DLGAP2: variants seen among roughly 807,000 people sequenced by gnomAD.
The protein encoded by DLGAP2 is disks large-associated protein 2.
DLGAP2 carries 26 observed loss-of-function variants against 100.3 expected under a neutral mutation model. That is an observed-to-expected ratio of 0.26 (90% CI 0.19 to 0.36). DLGAP2 has a LOEUF of 0.36. Among genes scored for constraint, DLGAP2 ranks in the 10% least tolerant of loss-of-function variants. DLGAP2 has a pLI of 1.00. For synonymous variants in DLGAP2, 886 were observed against 630.1 expected (o/e 1.41, Z -6.08); for missense variants, 1,858 against 1,453.2 (o/e 1.28, Z -4.53).
intron 3 of DLGAP2, among the ~76,000 whole-genome samples, chr8:1,487,329 A>G (rs897345374): frequency 1.3e-5 from 2 of 152,244 alleles, no homozygotes; most frequent in African/African-American, 4.8e-5. Flanking sequence ...ATGGCTAAGT[A>G]GTACTGAAAG....
At chr8:1,650,581 G>A (rs1036206014) in intron 8 of DLGAP2, among the ~76,000 whole-genome samples, 5 of 152,182 alleles carry the variant, frequency 3.3e-5, no homozygotes, top group South Asian at 2.1e-4. Context: ...TGTCCTCTTC[G>A]GCTATTCCAG....
intron 4 of DLGAP2, among the ~76,000 whole-genome samples, chr8:1,544,604 A>G (rs866055103): frequency 3.3e-5 from 5 of 152,266 alleles, no homozygotes; most frequent in Middle Eastern, 3.4e-3. Flanking sequence ...TTGTTCTATT[A>G]AAGTGATTTA....
At position 1,501,440 on chromosome 8, in the gene DLGAP2, C is replaced by T. The variant is rs1169953837; in HGVS notation, c.172+9C>T. 7.2e-6 allele frequency: 11 copies of T among 1,535,652 alleles called. No individual in the cohort carries two copies. The highest frequency in any genetic ancestry group is 4.9e-5 in the East Asian group (2 of 40,916). On this transcript the variant is annotated intron_variant, in intron 4 of 14. Transcript: ENST00000637795. ...GGCAGAGGAGGATCTAGGTAGAGTA[C>T]AGACGTCAGCCCCGCTCTGGCGGGG...
At chr8:1,480,351 G>A (rs1239640800) in intron 3 of DLGAP2, among the ~76,000 whole-genome samples, 3 of 152,184 alleles carry the variant, frequency 2.0e-5, no homozygotes, top group Non-Finnish European at 4.4e-5. Flanking sequence ...GCATCTCAGT[G>A]CTGACTCTGT....
rs755929821 is a variant in DLGAP2, at chr8:1,077,910, C to T, written c.73+169944C>T. Among the ~76,000 whole-genome samples, 35 of 152,310 alleles carry T rather than the reference C, an allele frequency of 2.3e-4. No individual in the cohort carries two copies. The Middle Eastern group carries it at 0.01, about 44-fold the overall frequency. On this transcript the variant is annotated intron_variant, in intron 2 of 14. Transcript: ENST00000637795. ...GTGCGTGCACGAGTTCTCCAGCGGC[C>T]GCCGCACAGCCCTGATTCTCTCCAC...
intron 3 of DLGAP2, among the ~76,000 whole-genome samples, chr8:1,279,746 G>A (rs1022451939): frequency 3.3e-5 from 5 of 152,170 alleles, no homozygotes; most frequent in African/African-American, 1.2e-4. Context: ...TAGGATTCAT[G>A]GCAGCTGCTT....
chr8:1,289,880 G>T (rs1358170678), intron 3 of DLGAP2, among the ~76,000 whole-genome samples: 1 of 152,216 alleles, frequency 6.6e-6, no homozygotes, highest in African/African-American at 2.4e-5. Flanking sequence ...AGATATTTAA[G>T]ATGATTTGTA....
chr8:1,043,080 T>C (rs1220477524), intron 2 of DLGAP2, among the ~76,000 whole-genome samples: 3 of 141,512 alleles, frequency 2.1e-5, no homozygotes, highest in Admixed American at 2.1e-4. Flanking sequence ...GTGGTGGATG[T>C]GGGAGGTGGA....
chr8:1,585,908 T>C (rs1228675955), intron 6 of DLGAP2, among the ~76,000 whole-genome samples: 1 of 152,244 alleles, frequency 6.6e-6, no homozygotes, highest in East Asian at 1.9e-4. Flanking sequence ...TGCCCATGAC[T>C]TTATCCTGTC....
At chr8:1,054,266 A>G (rs921601184) in intron 2 of DLGAP2, among the ~76,000 whole-genome samples, 2 of 152,052 alleles carry the variant, frequency 1.3e-5, no homozygotes, top group African/African-American at 4.8e-5. Context: ...ACACGCACAC[A>G]CACGGACACA....
intron 2 of DLGAP2, among the ~76,000 whole-genome samples, chr8:1,067,721 C>T (rs1470807187): frequency 1.3e-5 from 2 of 151,864 alleles, no homozygotes; most frequent in Non-Finnish European, 2.9e-5. Context: ...CCATATGGCC[C>T]CTGCCCCACC....
At chr8:1,545,565 T>C (rs1801506762) in intron 4 of DLGAP2, among the ~76,000 whole-genome samples, 1 of 152,180 alleles carries the variant, frequency 6.6e-6, no homozygotes, top group African/African-American at 2.4e-5. Flanking sequence ...AAAAAGAAAT[T>C]ACCAGCCCCT....
rs184158262 is a variant in DLGAP2 at position 1,489,966 on chromosome 8, A to T, written c.107-11400A>T. On this transcript the variant is annotated intron_variant, in intron 3 of 14. Coordinates refer to ENST00000637795, the MANE Select transcript of DLGAP2 (RefSeq NM_001346810.2). ...GAGTGCAGTGGCACAATCTTGGCTC[A>T]CTGCAACCTCCACCTCTCAGGTTCA... is the stretch of plus-strand genomic sequence containing the variant. 6.9e-3 allele frequency among the ~76,000 whole-genome samples: 1,049 copies of T among 152,110 alleles called. 12 individuals carry two copies. Among genetic ancestry groups the T allele is most frequent in the African/African-American group, 0.023 (945 of 41,472 alleles).
intron 2 of DLGAP2, among the ~76,000 whole-genome samples, chr8:1,253,786 T>C (rs1321858903): frequency 1.3e-5 from 2 of 152,244 alleles, no homozygotes; most frequent in Admixed American, 1.3e-4. Context: ...ATCCACAGTG[T>C]ATCCAGGTTA....
intron 2 of DLGAP2, among the ~76,000 whole-genome samples, chr8:947,180 C>T (rs1799347641): frequency 6.6e-6 from 1 of 152,172 alleles, no homozygotes; most frequent in Non-Finnish European, 1.5e-5. Context: ...TACAGTTGTT[C>T]TTACTGTAAG....
intron 3 of DLGAP2, among the ~76,000 whole-genome samples, chr8:1,438,050 A>G (rs577182540): frequency 3.4e-4 from 52 of 152,268 alleles, no homozygotes; most frequent in African/African-American, 1.2e-3. Flanking sequence ...AAAATTTGGT[A>G]TAGAGGATTT....
At chr8:1,598,607 C>T (rs1249674953) in intron 6 of DLGAP2, among the ~76,000 whole-genome samples, 1 of 152,034 alleles carries the variant, frequency 6.6e-6, no homozygotes, top group Admixed American at 6.6e-5. Flanking sequence ...GTGTATGTTT[C>T]CAGGAATGTA....
At chr8:813,656 C>G (rs947021838) in intron 1 of DLGAP2, among the ~76,000 whole-genome samples, 1 of 152,182 alleles carries the variant, frequency 6.6e-6, no homozygotes, top group Non-Finnish European at 1.5e-5. Context: ...TGGCTGAACC[C>G]TCCTCCAGGG....
chr8:1,284,358 A>G (rs536747980), intron 3 of DLGAP2, among the ~76,000 whole-genome samples: 2 of 152,148 alleles, frequency 1.3e-5, no homozygotes, highest in Admixed American at 1.3e-4. Context: ...GAATTGCTTC[A>G]GAGGAACCCA....
Sources: allele counts gnomAD v4.1 joint callset (sites outside exome capture counted in the v4.1 genomes callset), GRCh38; gene constraint gnomAD v4.1.1; transcripts MANE v1.5; gene names NCBI Gene and HGNC (gene_info 2026-07-23, HGNC 2026-07-21).